Variants in PPP4R4 observed in about 807,000 individuals in gnomAD.
PPP4R4 encodes protein phosphatase 4 regulatory subunit 4, also known as serine/threonine-protein phosphatase 4 regulatory subunit 4.
PPP4R4 carries 70 observed loss-of-function variants against 121.8 expected under a neutral mutation model. The observed-to-expected ratio is 0.57, with a 90% CI of 0.47 to 0.70. PPP4R4 has a LOEUF of 0.70. Among genes scored for constraint, PPP4R4 ranks in the 30% least tolerant of loss-of-function variants. PPP4R4 has a pLI of 0.00. For synonymous variants in PPP4R4, 348 were observed against 355.7 expected (o/e 0.98, Z 0.24); for missense variants, 875 against 1,033.6 (o/e 0.85, Z 2.10).
At chr14:94,212,603 A>G (rs892246296) in intron 3 of PPP4R4, among the ~76,000 whole-genome samples, 16 of 152,156 alleles carry the variant, frequency 1.1e-4, no homozygotes, top group African/African-American at 2.9e-4. Flanking sequence ...TTTACCATAT[A>G]TTCATGTTAC....
chr14:94,211,756 A>C (rs1468435581), intron 3 of PPP4R4, among the ~76,000 whole-genome samples: 1 of 152,162 alleles, frequency 6.6e-6, no homozygotes, highest in African/African-American at 2.4e-5. Flanking sequence ...AGCTAGTATG[A>C]GGACAACTAA....
At position 94,263,640 on chromosome 14, in the gene PPP4R4, A is replaced by T. The variant is rs148956794; in HGVS notation, c.2128-1238A>T. Among the ~76,000 whole-genome samples, 831 of 152,330 alleles carry T rather than the reference A, an allele frequency of 5.5e-3. 12 individuals are homozygous for T. Among genetic ancestry groups the T allele is most frequent in the East Asian group, 0.044 (230 of 5,178 alleles). On this transcript the variant is annotated intron_variant, in intron 19 of 24. Coordinates refer to ENST00000304338, the MANE Select transcript of PPP4R4 (RefSeq NM_058237.2). ...ATGACCTAGCCCAAGACAAAAACAGACAATAGAAAGAGAACCGCAGATAAT... is the reference window on the plus strand; with the variant it reads ...ATGACCTAGCCCAAGACAAAAACAGTCAATAGAAAGAGAACCGCAGATAAT...
At chr14:94,227,719 A>G (rs1464052563) in intron 3 of PPP4R4, 1 of 1,011,864 alleles carries the variant, frequency 9.9e-7, no homozygotes, top group African/African-American at 1.7e-5. Context: ...AAGAGGGGGC[A>G]GAATTGCATC....
At chr14:94,229,000 G>A (rs1212859109) in intron 3 of PPP4R4, among the ~76,000 whole-genome samples, 1 of 152,120 alleles carries the variant, frequency 6.6e-6, no homozygotes, top group Admixed American at 6.5e-5. Flanking sequence ...CAGCCATATG[G>A]AAATCCAGGA....
At chr14:94,196,328 T>TC (rs1224258129) in intron 2 of PPP4R4, among the ~76,000 whole-genome samples, 5 of 147,814 alleles carry the variant, frequency 3.4e-5, no homozygotes, top group Non-Finnish European at 7.5e-5. Flanking sequence ...TTTTTTTTTT[T>TC]TGGAGACAGA....
chr14:94,238,032 G>A (rs568605478), intron 8 of PPP4R4, among the ~76,000 whole-genome samples: 2 of 152,352 alleles, frequency 1.3e-5, no homozygotes, highest in South Asian at 2.1e-4. Flanking sequence ...TGGCAGAGAA[G>A]TGGAAGGTGA....
chr14:94,240,646 T>A (rs1892580240), intron 8 of PPP4R4, 27 bp from the exon 9 acceptor site: 2 of 1,590,676 alleles, frequency 1.3e-6, no homozygotes, highest in Non-Finnish European at 1.7e-6. Context: ...GAATTTAAAG[T>A]ATGTATTATT....
At chr14:94,214,381 T>C (rs1281708760) in intron 3 of PPP4R4, among the ~76,000 whole-genome samples, 1 of 152,150 alleles carries the variant, frequency 6.6e-6, no homozygotes, top group East Asian at 1.9e-4. Context: ...TGATTTCCTT[T>C]TATTTCGGTG....
intron 9 of PPP4R4, 38 bp downstream of exon 9, chr14:94,240,833 T>G: frequency 6.9e-7 from 1 of 1,447,134 alleles, no homozygotes; most frequent in Non-Finnish European, 9.1e-7. Flanking sequence ...CTGTAGATAA[T>G]TTTTCCCTTT....
At chr14:94,178,335 G>A (rs978228212) in intron 2 of PPP4R4, among the ~76,000 whole-genome samples, 1 of 150,672 alleles carries the variant, frequency 6.6e-6, no homozygotes, top group African/African-American at 2.4e-5. Context: ...TTATATAAAT[G>A]TATAATATAT....
intron 3 of PPP4R4, among the ~76,000 whole-genome samples, chr14:94,213,064 G>C (rs1002818151): frequency 2.0e-5 from 3 of 152,146 alleles, no homozygotes; most frequent in African/African-American, 7.2e-5. Context: ...TATTCTGTCA[G>C]ATATTCTACA....
intron 2 of PPP4R4, among the ~76,000 whole-genome samples, chr14:94,197,771 G>C (rs150598664): frequency 6.6e-6 from 1 of 152,168 alleles, no homozygotes; most frequent in Non-Finnish European, 1.5e-5. Flanking sequence ...CTATAGTTCA[G>C]TTTGTATTTT....
intron 2 of PPP4R4, among the ~76,000 whole-genome samples, chr14:94,198,183 C>T (rs1889984926): frequency 1.3e-5 from 2 of 152,134 alleles, no homozygotes; most frequent in Admixed American, 6.5e-5. Context: ...TACTCCTCAT[C>T]CTTGCCAACA....
chr14:94,250,012 A>G (rs180883863), intron 14 of PPP4R4, among the ~76,000 whole-genome samples, 160 bp from the exon 15 acceptor site: 109 of 152,170 alleles, frequency 7.2e-4, no homozygotes, highest in Non-Finnish European at 9.9e-4. Flanking sequence ...AGTGATTAAC[A>G]TTAAATTATG....
rs1032591290 is a variant in PPP4R4, at chr14:94,229,894, G to A, written c.295-693G>A. On this transcript the variant is annotated intron_variant, in intron 3 of 24. Coordinates refer to ENST00000304338, the MANE Select transcript of PPP4R4 (RefSeq NM_058237.2). ...TAGAGAAGTACAGTAATATCTTTGA[G>A]GCTTACGTAGAAAGATAGTTTTTTT... 2.0e-5 allele frequency among the ~76,000 whole-genome samples: 3 copies of A among 152,138 alleles called. No individual in the cohort carries two copies. In the South Asian group the frequency reaches 6.2e-4, roughly 32 times the overall value.
At chr14:94,274,209 G>GA (rs768062319) in intron 23 of PPP4R4, among the ~76,000 whole-genome samples, 15 of 151,876 alleles carry the variant, frequency 9.9e-5, no homozygotes, top group Non-Finnish European at 2.1e-4. Context: ...ATTTTCTAAA[G>GA]AAAATACAGA....
intron 2 of PPP4R4, among the ~76,000 whole-genome samples, chr14:94,194,206 G>GT (rs1291657610): frequency 8.5e-5 from 13 of 152,126 alleles, no homozygotes; most frequent in Middle Eastern, 3.4e-3. Context: ...AACTAGTCTT[G>GT]TTTTTTTCAG....
At chr14:94,177,417 A>G (rs564598908) in intron 2 of PPP4R4, among the ~76,000 whole-genome samples, 1 of 152,354 alleles carries the variant, frequency 6.6e-6, no homozygotes, top group African/African-American at 2.4e-5. Flanking sequence ...ATTGTGTTAT[A>G]TTTGGAATAC....
intron 16 of PPP4R4, among the ~76,000 whole-genome samples, chr14:94,253,120 A>G (rs552817116): frequency 6.6e-6 from 1 of 152,364 alleles, no homozygotes; most frequent in Non-Finnish European, 1.5e-5. Context: ...CTTGTGCTTT[A>G]TAAATGAGAG....
Sources: gnomAD v4.1 joint callset for allele counts (sites outside exome capture counted in the v4.1 genomes callset) on GRCh38, gnomAD v4.1.1 for gene constraint, MANE v1.5 for transcripts, NCBI Gene and HGNC (gene_info 2026-07-23, HGNC 2026-07-21) for gene names.